The following GALNT2 variants were observed in gnomAD, a reference collection of about 807,000 sequenced individuals.
The protein encoded by GALNT2 is polypeptide N-acetylgalactosaminyltransferase 2.
Under a neutral mutation model 81.4 loss-of-function variants are expected in GALNT2, and 31 were observed. That is an observed-to-expected ratio of 0.38 (90% CI 0.29 to 0.51). The LOEUF (loss-of-function observed/expected upper bound fraction) is 0.51, where lower values mean the gene tolerates loss of function less well. Ranked by LOEUF, GALNT2 falls within the 20% of genes least tolerant of loss-of-function variation. The probability of loss-of-function intolerance (pLI) is 0.87; values close to 1 mark genes in which losing one functional copy is unlikely to be tolerated. For synonymous variants in GALNT2, 303 were observed against 287.4 expected (o/e 1.05, Z -0.55); for missense variants, 629 against 765.7 (o/e 0.82, Z 2.11).
chr1:230,214,051 A>G (rs771526024), intron 3 of GALNT2, among the ~76,000 whole-genome samples: 1 of 151,264 alleles, frequency 6.6e-6, no homozygotes, highest in Non-Finnish European at 1.5e-5. Context: ...TAGTATTTCT[A>G]TTAGTCCCAG....
At chr1:230,076,226 G>C (rs1370405344) in intron 1 of GALNT2, among the ~76,000 whole-genome samples, 1 of 152,232 alleles carries the variant, frequency 6.6e-6, no homozygotes, top group Non-Finnish European at 1.5e-5. Flanking sequence ...CGTGGGATAT[G>C]CTTGTGGAAC....
At chr1:230,178,188 T>A (rs1572053796) in intron 1 of GALNT2, 30 bp from the exon 2 acceptor site, 1 of 1,544,868 alleles carries the variant, frequency 6.5e-7, no homozygotes. Context: ...GAAGAACAAG[T>A]CAACTCATTC....
At chr1:230,237,151 A>G (rs1665057340) in intron 6 of GALNT2, among the ~76,000 whole-genome samples, 1 of 152,266 alleles carries the variant, frequency 6.6e-6, no homozygotes, top group Non-Finnish European at 1.5e-5. Flanking sequence ...GGGAGACAGT[A>G]CTGCAATTAT....
At chr1:230,089,320 C>CGT (rs147002152) in intron 1 of GALNT2, among the ~76,000 whole-genome samples, 3,340 of 150,576 alleles carry the variant, frequency 0.022, 45 homozygotes, top group Middle Eastern at 0.034. Flanking sequence ...CTGTTTTTTG[C>CGT]GTGTGTGTGT....
rs772090880 is a variant in GALNT2, at chr1:230,250,439, T to A, written c.906-18T>A. 1 of 1,605,806 alleles carries A rather than the reference T, an allele frequency of 6.2e-7. No homozygotes were observed. The highest frequency in any genetic ancestry group is 1.1e-5 in the South Asian group (1 of 90,630). ...TTTGCCCTCTCCTCCCTCCCCCCTC[T>A]TCTTTCTGCCTCTTTAGAACCCCCA... On this transcript the variant is annotated intron_variant, in intron 9 of 15. Coordinates refer to ENST00000366672, the MANE Select transcript of GALNT2 (RefSeq NM_004481.5).
intron 11 of GALNT2, among the ~76,000 whole-genome samples, chr1:230,261,316 T>G (rs1490221440): frequency 6.6e-6 from 1 of 152,206 alleles, no homozygotes; most frequent in Non-Finnish European, 1.5e-5. Flanking sequence ...ATGAAAGATA[T>G]AGGCCCCATA....
intron 1 of GALNT2, among the ~76,000 whole-genome samples, chr1:230,083,673 C>T (rs1659815540): frequency 6.6e-6 from 1 of 152,210 alleles, no homozygotes; most frequent in Non-Finnish European, 1.5e-5. Context: ...AGAAAGCTGT[C>T]CTTGCTGTTA....
At chr1:230,075,776 T>C (rs753154182) in intron 1 of GALNT2, among the ~76,000 whole-genome samples, 11 of 151,964 alleles carry the variant, frequency 7.2e-5, no homozygotes, top group Non-Finnish European at 1.5e-4. Context: ...GAGCAGTGTA[T>C]GGGGATTAGG....
chr1:230,267,448 G>T (rs1666066994), intron 14 of GALNT2, among the ~76,000 whole-genome samples: 1 of 152,304 alleles, frequency 6.6e-6, no homozygotes, highest in African/African-American at 2.4e-5. Context: ...GCTTCCCTCT[G>T]CTGTGTGGCA....
chr1:230,128,723 C>G lies in GALNT2; in HGVS notation c.127-49495C>G, dbSNP rs569443382. Among the ~76,000 whole-genome samples, 3 of 152,246 alleles carry G rather than the reference C, an allele frequency of 2.0e-5. No individual in the cohort carries two copies. The South Asian group carries it at 6.2e-4, about 32-fold the overall frequency. On this transcript the variant is annotated intron_variant, in intron 1 of 15. Transcript: ENST00000366672. ...TGAGTGTTGGCTGGGAGGCATCTGT[C>G]TTCAGGGCCTTCCTTGCTCCAGTCT...
intron 15 of GALNT2, among the ~76,000 whole-genome samples, chr1:230,277,506 G>A (rs763574551): frequency 1.1e-4 from 16 of 152,136 alleles, no homozygotes; most frequent in Non-Finnish European, 2.1e-4. Context: ...ACATGACAAT[G>A]GGGAAAAACA....
chr1:230,131,897 G>A (rs149489362), intron 1 of GALNT2, among the ~76,000 whole-genome samples: 3 of 152,168 alleles, frequency 2.0e-5, no homozygotes, highest in South Asian at 2.1e-4. Flanking sequence ...TGACCCAGAC[G>A]CAAGTGTTTC....
chr1:230,085,111 A>G (rs952201383), intron 1 of GALNT2, among the ~76,000 whole-genome samples: 1 of 151,986 alleles, frequency 6.6e-6, no homozygotes, highest in Non-Finnish European at 1.5e-5. Context: ...TTTGTAAGCA[A>G]TCTCCTCTCT....
At chr1:230,061,192 A>ATGTGTGTGTGTGTG (rs58105454) in intron 1 of GALNT2, among the ~76,000 whole-genome samples, 2 of 148,834 alleles carry the variant, frequency 1.3e-5, no homozygotes, top group African/African-American at 5.0e-5. Context: ...ATGAGCATAG[A>ATGTGTGTGTGTGTG]TGTGTGTGTG....
chr1:230,209,710 G>T (rs537604554), intron 3 of GALNT2, among the ~76,000 whole-genome samples: 7 of 152,244 alleles, frequency 4.6e-5, no homozygotes, highest in African/African-American at 1.7e-4. Context: ...GGGCATAGTG[G>T]CTCACACTTG....
At chr1:230,175,611 T>TCCTCCTCCCCCTCCTCCTCCC (rs1662951448) in intron 1 of GALNT2, among the ~76,000 whole-genome samples, 1 of 95,882 alleles carries the variant, frequency 1.0e-5, no homozygotes, top group African/African-American at 4.2e-5. Flanking sequence ...GTCCTCCTCC[T>TCCTCCTCCCCCTCCTCCTCCC]CCCCCTCCCT....
intron 1 of GALNT2, among the ~76,000 whole-genome samples, chr1:230,105,139 C>G (rs955106816): frequency 6.6e-6 from 1 of 152,316 alleles, no homozygotes; most frequent in Non-Finnish European, 1.5e-5. Flanking sequence ...AGCCAGCCTT[C>G]CTTTTCCCAG....
intron 13 of GALNT2, chr1:230,263,283 G>T: frequency 2.4e-6 from 1 of 416,146 alleles, no homozygotes; most frequent in Non-Finnish European, 4.4e-6. Context: ...TTCTCCATTG[G>T]CAAGGTGATG....
intron 2 of GALNT2, among the ~76,000 whole-genome samples, chr1:230,198,232 C>T (rs933655822): frequency 2.0e-5 from 3 of 152,134 alleles, no homozygotes; most frequent in South Asian, 2.1e-4. Flanking sequence ...GTGCTGCGGG[C>T]GAGGCTGAGT....
Sources: allele counts gnomAD v4.1 joint callset (sites outside exome capture counted in the v4.1 genomes callset), GRCh38; gene constraint gnomAD v4.1.1; transcripts MANE v1.5; gene names NCBI Gene and HGNC (gene_info 2026-07-23, HGNC 2026-07-21).